L3HYPDH: variants seen among roughly 807,000 people sequenced by gnomAD.
The protein encoded by L3HYPDH is trans-3-hydroxy-L-proline dehydratase.
Under a neutral mutation model 26.5 loss-of-function variants are expected in L3HYPDH, and 32 were observed. That is an observed-to-expected ratio of 1.21 (90% CI 0.91 to 1.62). L3HYPDH has a LOEUF of 1.62. L3HYPDH is among the 40% of genes most tolerant of loss of function. The pLI, the probability that L3HYPDH is intolerant of heterozygous loss-of-function variation, is 0.00. For synonymous variants in L3HYPDH, 215 were observed against 196.6 expected, an observed-to-expected ratio of 1.09 and a Z score of -0.78; for missense variants, 554 against 476.4, an observed-to-expected ratio of 1.16 and a Z score of -1.52.
chr14:59,496,202 G>A, the L3HYPDH span, among the ~76,000 whole-genome samples: 5 of 151,916 alleles, frequency 3.3e-5, no homozygotes, highest in African/African-American at 4.8e-5. Context: ...CACTGTGCCC[G>A]GCCTCTCCCT....
At chr14:59,501,518 T>G in the L3HYPDH span, among the ~76,000 whole-genome samples, 2 of 152,192 alleles carry the variant, frequency 1.3e-5, no homozygotes, top group African/African-American at 4.8e-5. Flanking sequence ...GAAATGTCAT[T>G]TCACATAATT....
At chr14:59,495,883 ATCT>A in the L3HYPDH span, among the ~76,000 whole-genome samples, 3 of 152,132 alleles carry the variant, frequency 2.0e-5, no homozygotes, top group Non-Finnish European at 4.4e-5. Flanking sequence ...AAAAATGAAA[ATCT>A]TCTTTTCTAC....
At chr14:59,486,417 G>C (rs1301961894), upstream of L3HYPDH, among the ~76,000 whole-genome samples, 1 of 152,186 alleles carries the variant, frequency 6.6e-6, no homozygotes, top group Non-Finnish European at 1.5e-5. Flanking sequence ...GTTAAACTCA[G>C]AAGTATCCTC....
chr14:59,504,195 G>C, the L3HYPDH span: 1 of 651,580 alleles, frequency 1.5e-6, no homozygotes, highest in East Asian at 2.7e-5. Context: ...ATATCTTAAT[G>C]TTTGGGTTTG....
chr14:59,482,206 G>A (rs1418527861), intron 1 of L3HYPDH, among the ~76,000 whole-genome samples: 1 of 152,166 alleles, frequency 6.6e-6, no homozygotes, highest in Non-Finnish European at 1.5e-5. Flanking sequence ...CTGAGGCATG[G>A]ACTCTCTAGC....
the L3HYPDH span, among the ~76,000 whole-genome samples, chr14:59,503,219 T>G: frequency 6.6e-6 from 1 of 152,138 alleles, no homozygotes; most frequent in Non-Finnish European, 1.5e-5. Flanking sequence ...TTAGTACTGG[T>G]TGAGTTGATG....
At chr14:59,495,865 A>G in the L3HYPDH span, among the ~76,000 whole-genome samples, 2 of 151,030 alleles carry the variant, frequency 1.3e-5, no homozygotes, top group Admixed American at 6.5e-5. Flanking sequence ...ACAACCAGAT[A>G]TCTTAGAAAA....
the L3HYPDH span, among the ~76,000 whole-genome samples, chr14:59,502,763 T>G: frequency 7.5e-6 from 1 of 134,166 alleles, no homozygotes; most frequent in African/African-American, 2.8e-5. Context: ...TTTTTTTTTT[T>G]TTTTTTTTTT....
chr14:59,487,808 A>G, upstream of L3HYPDH: 1 of 1,613,640 alleles, frequency 6.2e-7, no homozygotes, highest in Non-Finnish European at 8.5e-7. Flanking sequence ...TCTTCATTGA[A>G]TGGTACTCGG....
the L3HYPDH span, among the ~76,000 whole-genome samples, chr14:59,493,344 T>C: frequency 2.0e-5 from 3 of 152,194 alleles, no homozygotes; most frequent in Non-Finnish European, 4.4e-5. Flanking sequence ...ACTGCAGCCA[T>C]GTGAGTTAGT....
Position 59,484,326 on chromosome 14 carries a change from C to A in L3HYPDH, c.-10G>T. The A allele has an allele frequency of 6.3e-7, 1 of 1,575,570 alleles. No homozygotes were observed. The highest frequency in any genetic ancestry group is 8.6e-7 in the Non-Finnish European group (1 of 1,167,944). On this transcript the variant is annotated 5_prime_UTR_variant, in exon 1 of 5. Coordinates refer to ENST00000247194, the MANE Select transcript of L3HYPDH (RefSeq NM_144581.2). ...CCAGCGCGCTCTCCATGGTCTGCGTCGGGGGAGACGAGTACGGTCCCGCAG... is the reference window on the plus strand; with the variant it reads ...CCAGCGCGCTCTCCATGGTCTGCGTAGGGGGAGACGAGTACGGTCCCGCAG...
At position 59,484,224 on chromosome 14, in the gene L3HYPDH, G is replaced by A; in HGVS notation, c.93C>T (p.Pro31=). The part of the protein sequence containing the change: ...SVVDMHTGGE[P]LRIVLAGCPE... ...GACACCCCGCCAGCACGATACGCAAGGGCTCGCCGCCCGTGTGCATGTCCA... is the reference window on the plus strand; with the variant it reads ...GACACCCCGCCAGCACGATACGCAAAGGCTCGCCGCCCGTGTGCATGTCCA... Residue 31 remains proline (P), a synonymous_variant, in exon 1 of 5, where the codon CCC becomes CCT. Transcript: ENST00000247194. The A allele has an allele frequency of 6.3e-7, 1 of 1,598,576 alleles. No homozygotes were observed. Among genetic ancestry groups the A allele is most frequent in the Non-Finnish European group, 8.5e-7 (1 of 1,179,736 alleles).
upstream of L3HYPDH, chr14:59,487,648 C>T: frequency 6.4e-7 from 1 of 1,573,552 alleles, no homozygotes; most frequent in Non-Finnish European, 8.7e-7. Flanking sequence ...TATCTGTACA[C>T]AAAATATTGG....
In L3HYPDH at chr14:59,472,876, A is replaced by T; in HGVS notation, c.*89T>A. On this transcript the variant is annotated 3_prime_UTR_variant, in exon 5 of 5. Coordinates refer to ENST00000247194, the MANE Select transcript of L3HYPDH (RefSeq NM_144581.2). ...AGAATGAGAGTTAGTTTATATGTAT[A>T]ATTTATTTGTTTTCATATAATTTAG... is the stretch of plus-strand genomic sequence containing the variant. 1.7e-6 allele frequency: 2 copies of T among 1,192,130 alleles called. No homozygotes were observed. Among genetic ancestry groups the T allele is most frequent in the Non-Finnish European group, 1.1e-6 (1 of 871,732 alleles). The allele number at this position is 1,192,130 out of a possible 1,614,324, so 73.8% of individuals were successfully genotyped here.
chr14:59,485,061 G>C (rs1390578181), upstream of L3HYPDH: 1 of 1,598,382 alleles, frequency 6.3e-7, no homozygotes, highest in Admixed American at 1.7e-5. Context: ...GCCATCGTTC[G>C]CTAAAGGAAA....
intron 1 of L3HYPDH, among the ~76,000 whole-genome samples, chr14:59,466,360 T>C (rs1482348890): frequency 6.6e-6 from 1 of 152,202 alleles, no homozygotes; most frequent in African/African-American, 2.4e-5. Flanking sequence ...GGGCATGGCC[T>C]CTAATGGGGA....
At chr14:59,488,176 A>G (rs929612340), upstream of L3HYPDH, among the ~76,000 whole-genome samples, 7 of 151,954 alleles carry the variant, frequency 4.6e-5, no homozygotes, top group African/African-American at 1.5e-4. Flanking sequence ...CTAATAATCT[A>G]GTATGATGTA....
chr14:59,469,474 G>A (rs1260739890), downstream of L3HYPDH, among the ~76,000 whole-genome samples: 1 of 147,686 alleles, frequency 6.8e-6, no homozygotes, highest in East Asian at 2.1e-4. Flanking sequence ...AGAATCGCTT[G>A]AACCCGGGAA....
chr14:59,504,099 C>A, the L3HYPDH span: 1 of 1,352,848 alleles, frequency 7.4e-7, no homozygotes, highest in Non-Finnish European at 1.1e-6. Context: ...TGCCAAAAAC[C>A]TGAGAAGTGC....
Sources: gnomAD v4.1 joint callset for allele counts (sites outside exome capture counted in the v4.1 genomes callset) on GRCh38, gnomAD v4.1.1 for gene constraint, MANE v1.5 for transcripts, NCBI Gene and HGNC (gene_info 2026-07-23, HGNC 2026-07-21) for gene names.